Variants in RAD51AP1 observed in about 807,000 individuals in gnomAD.
RAD51AP1 encodes the protein RAD51-associated protein 1.
RAD51AP1 carries 14 observed loss-of-function variants against 34.3 expected under a neutral mutation model. The observed-to-expected ratio is 0.41, with a 90% CI of 0.27 to 0.64. The LOEUF (loss-of-function observed/expected upper bound fraction) is 0.64, where lower values mean the gene tolerates loss of function less well. RAD51AP1 is among the 30% of genes least tolerant of loss of function. The probability of loss-of-function intolerance (pLI) is 0.33; values close to 1 mark genes in which losing one functional copy is unlikely to be tolerated. For synonymous variants in RAD51AP1, 114 were observed against 129.8 expected (o/e 0.88, Z 0.83); for missense variants, 348 against 386.9 (o/e 0.90, Z 0.84).
chr12:4,554,612 T>C (rs1401209861), intron 7 of RAD51AP1, among the ~76,000 whole-genome samples: 2 of 152,252 alleles, frequency 1.3e-5, no homozygotes, highest in African/African-American at 4.8e-5. Flanking sequence ...AGTTGGAGTT[T>C]ACCATTTAAA....
intron 8 of RAD51AP1, among the ~76,000 whole-genome samples, 182 bp from the exon 9 acceptor site, chr12:4,558,675 G>A (rs114314831): frequency 2.3e-3 from 349 of 152,206 alleles, no homozygotes; most frequent in African/African-American, 7.7e-3. Flanking sequence ...TTGGAAATAG[G>A]CAATACTGTA....
rs762845022 is a variant in RAD51AP1, at chr12:4,538,918, A to C, written c.-22A>C. 6.2e-7 allele frequency: 1 copy of C among 1,613,916 alleles called. No individual in the cohort carries two copies. Among genetic ancestry groups the C allele is most frequent in the Admixed American group, 1.7e-5 (1 of 60,026 alleles). ...GCCAACAAGAATTTGAGAACTGTAAATACCAAGCCTTGAAAGGGACCATGG... is the reference window on the plus strand; with the variant it reads ...GCCAACAAGAATTTGAGAACTGTAACTACCAAGCCTTGAAAGGGACCATGG... On this transcript the variant is annotated 5_prime_UTR_variant, in exon 1 of 9. Transcript: ENST00000352618.
At chr12:4,550,108 T>C (rs1007082512) in intron 6 of RAD51AP1, among the ~76,000 whole-genome samples, 3 of 152,134 alleles carry the variant, frequency 2.0e-5, no homozygotes, top group Admixed American at 6.5e-5. Context: ...GTAACTGAAG[T>C]GTTTGGGCCT....
intron 4 of RAD51AP1, among the ~76,000 whole-genome samples, chr12:4,546,846 G>A (rs529047797): frequency 2.6e-5 from 4 of 152,278 alleles, no homozygotes; most frequent in African/African-American, 9.6e-5. Flanking sequence ...GTAGACTTAA[G>A]AGAATGGCTT....
At chr12:4,553,739 T>C (rs972562722) in intron 7 of RAD51AP1, among the ~76,000 whole-genome samples, 4 of 152,196 alleles carry the variant, frequency 2.6e-5, no homozygotes, top group African/African-American at 9.7e-5. Flanking sequence ...TACCTGTTTC[T>C]TGTGTAAAAG....
Position 4,553,344 on chromosome 12 carries a change from T to TA in RAD51AP1, c.721+198dup, listed in dbSNP as rs1479115209. The TA allele has an allele frequency of 2.8e-5, 11 of 394,600 alleles. No individual in the cohort carries two copies. In the Admixed American group the frequency reaches 4.0e-4, roughly 14 times the overall value. The allele number at this position is 394,600 out of a possible 1,614,324, so 24.4% of individuals were successfully genotyped here. On this transcript the variant is annotated intron_variant, in intron 7 of 8. Coordinates refer to ENST00000352618, the MANE Select transcript of RAD51AP1 (RefSeq NM_006479.5). Reference sequence around the variant, plus strand: ...TGACTCCACTACGTATGCTAGCACTTACTGTATATGACCTCACTTTGGTAC... The same window carrying TA: ...TGACTCCACTACGTATGCTAGCACTTAACTGTATATGACCTCACTTTGGTAC...
chr12:4,555,946 C>T (rs1944579015), intron 7 of RAD51AP1, among the ~76,000 whole-genome samples: 1 of 152,172 alleles, frequency 6.6e-6, no homozygotes, highest in Admixed American at 6.5e-5. Flanking sequence ...TAGAGCCTGA[C>T]ACATAATCTC....
chr12:4,551,224 AGT>A (rs1944544156), intron 6 of RAD51AP1, among the ~76,000 whole-genome samples: 1 of 152,034 alleles, frequency 6.6e-6, no homozygotes, highest in South Asian at 2.1e-4. Flanking sequence ...GGCCGGGCAC[AGT>A]GGCTCACACC....
At chr12:4,554,211 G>T (rs557678189) in intron 7 of RAD51AP1, among the ~76,000 whole-genome samples, 1 of 152,160 alleles carries the variant, frequency 6.6e-6, no homozygotes, top group African/African-American at 2.4e-5. Flanking sequence ...CTCCTTGAGG[G>T]TGCATTTCTT....
At chr12:4,556,302 T>G in intron 7 of RAD51AP1, 51 bp from the exon 8 acceptor site, 1 of 1,369,792 alleles carries the variant, frequency 7.3e-7, no homozygotes, top group Non-Finnish European at 1.0e-6. Flanking sequence ...ATGCTAGACT[T>G]ACTTTTTCTT....
At position 4,553,251 on chromosome 12, in the gene RAD51AP1, G is replaced by A. The variant is rs116996961; in HGVS notation, c.721+104G>A. ...TTGTTCTCTTTAACATTTTCCTAAC[G>A]TCCATTTCTTGTTAAAATATGTAAA... On this transcript the variant is annotated intron_variant, in intron 7 of 8. Coordinates refer to ENST00000352618, the MANE Select transcript of RAD51AP1 (RefSeq NM_006479.5). The A allele has an allele frequency of 9.4e-4, 956 of 1,018,372 alleles. 18 individuals are homozygous for A. In the East Asian group the frequency reaches 0.024, roughly 26 times the overall value. 63.1% of individuals were successfully genotyped at this position (1,018,372 alleles called of 1,614,324 possible).
chr12:4,552,467 C>T (rs1276577736), intron 6 of RAD51AP1, among the ~76,000 whole-genome samples: 2 of 152,200 alleles, frequency 1.3e-5, no homozygotes, highest in Non-Finnish European at 2.9e-5. Context: ...TCTCAATTCT[C>T]ATTTGGTCTG....
rs763423020 is a variant in RAD51AP1 at position 4,558,857 on chromosome 12, C to T, written c.872C>T (p.Ala291Val). 1.2e-5 allele frequency: 19 copies of T among 1,613,466 alleles called. No homozygotes were observed. Among genetic ancestry groups the T allele is most frequent in the South Asian group, 1.1e-5 (1 of 90,990 alleles). The change falls in exon 9 of 9, where the codon GCG (alanine) becomes GTG (valine). Residue 291 changes from alanine (A) to valine (V), a missense_variant and splice_region_variant. Physicochemically the swap from Ala to Val is moderately conservative, Grantham distance 64 (BLOSUM62 0). Transcript: ENST00000352618. ...CATCACATCATATGTTTCCTTTCAGCGGCATCTGGAGGTAGCAGAAGTAGC... is the reference window on the plus strand; with the variant it reads ...CATCACATCATATGTTTCCTTTCAGTGGCATCTGGAGGTAGCAGAAGTAGC... ...ESKKPKWVPP[A>V]ASGGSRSSSS...
intron 1 of RAD51AP1, 58 bp downstream of exon 1, chr12:4,539,014 G>C (rs1489345036): frequency 2.5e-6 from 4 of 1,580,554 alleles, no homozygotes; most frequent in Non-Finnish European, 3.5e-6. Flanking sequence ...AAAGACATGA[G>C]ACTAAGGGGA....
In RAD51AP1 at chr12:4,559,242, C is replaced by A; in HGVS notation, c.*249C>A. 1 of 360,510 alleles carries A rather than the reference C, an allele frequency of 2.8e-6. No individual in the cohort carries two copies. The highest frequency in any genetic ancestry group is 5.0e-6 in the Non-Finnish European group (1 of 200,646). 22.3% of individuals were successfully genotyped at this position (360,510 alleles called of 1,614,324 possible). ...TGAAGAGCGTATTCTGTTTTTCTATCAGTTCGACATGAAGTCCACATCACA... is the reference window on the plus strand; with the variant it reads ...TGAAGAGCGTATTCTGTTTTTCTATAAGTTCGACATGAAGTCCACATCACA... On this transcript the variant is annotated 3_prime_UTR_variant, in exon 9 of 9. Transcript: ENST00000352618.
intron 3 of RAD51AP1, chr12:4,545,672 T>G: frequency 8.9e-7 from 1 of 1,126,648 alleles, no homozygotes; most frequent in Non-Finnish European, 1.3e-6. Context: ...GTTTTCTTCC[T>G]CTTATACTCC....
chr12:4,559,158 T>C lies in RAD51AP1; in HGVS notation c.*165T>C. ...TTTATGATTATGTTCTCTGTAAAAC[T>C]CTTCAAGACTTCAATGAGAAGTTTG... On this transcript the variant is annotated 3_prime_UTR_variant, in exon 9 of 9. Coordinates refer to ENST00000352618, the MANE Select transcript of RAD51AP1 (RefSeq NM_006479.5). 1.4e-6 allele frequency: 1 copy of C among 727,318 alleles called. No individual in the cohort carries two copies. The allele number at this position is 727,318 out of a possible 1,614,324, so 45.1% of individuals were successfully genotyped here.
chr12:4,543,659 T>G, intron 2 of RAD51AP1, 104 bp from the exon 3 acceptor site: 2 of 681,294 alleles, frequency 2.9e-6, no homozygotes, highest in Non-Finnish European at 4.5e-6. Flanking sequence ...TTGTGGAAAT[T>G]AAACAATTTG....
At chr12:4,548,980 A>C (rs952354013) in intron 6 of RAD51AP1, 144 bp downstream of exon 6, 32 of 836,500 alleles carry the variant, frequency 3.8e-5, no homozygotes, top group Non-Finnish European at 5.6e-5. Flanking sequence ...ATTCAGTGAT[A>C]GCATTTGGGG....
Sources: gnomAD v4.1 joint callset for allele counts (sites outside exome capture counted in the v4.1 genomes callset) on GRCh38, gnomAD v4.1.1 for gene constraint, MANE v1.5 for transcripts, NCBI Gene and HGNC (gene_info 2026-07-23, HGNC 2026-07-21) for gene names.